The following DACH1 variants were observed in gnomAD, a reference collection of about 807,000 sequenced individuals.
DACH1 encodes dachshund homolog 1.
In DACH1, 12 loss-of-function variants were observed where a neutral mutation model predicts 54.2. The ratio of observed to expected loss-of-function variants is 0.22; its 90% CI spans 0.14 to 0.36. The LOEUF is 0.36. Ranked by LOEUF, DACH1 falls within the 10% of genes least tolerant of loss-of-function variation. The pLI is 1.00. For synonymous variants in DACH1, 386 were observed against 366.2 expected (o/e 1.05, Z -0.62); for missense variants, 805 against 929.8 (o/e 0.87, Z 1.75).
chr13:71,860,216 G>A (rs1057029428), intron 1 of DACH1, among the ~76,000 whole-genome samples: 6 of 149,398 alleles, frequency 4.0e-5, no homozygotes, highest in African/African-American at 7.4e-5. Context: ...TTAGACATAC[G>A]TATGTACACA....
chr13:71,453,098 C>T (rs937864026), intron 10 of DACH1, among the ~76,000 whole-genome samples: 2 of 152,082 alleles, frequency 1.3e-5, no homozygotes, highest in African/African-American at 4.8e-5. Context: ...GGTTAATGTA[C>T]CAGCAAGTGA....
intron 3 of DACH1, among the ~76,000 whole-genome samples, chr13:71,617,723 C>T (rs1250048149): frequency 6.6e-6 from 1 of 152,082 alleles, no homozygotes; most frequent in Non-Finnish European, 1.5e-5. Flanking sequence ...TTAGAAAGTA[C>T]AGATATAAAT....
At chr13:71,707,272 T>C (rs1432537871) in intron 1 of DACH1, among the ~76,000 whole-genome samples, 6 of 152,262 alleles carry the variant, frequency 3.9e-5, no homozygotes, top group African/African-American at 1.4e-4. Flanking sequence ...GCATGCAACC[T>C]GTGCAGCTGC....
intron 1 of DACH1, among the ~76,000 whole-genome samples, chr13:71,779,314 TA>T (rs1464907780): frequency 2.0e-5 from 3 of 146,658 alleles, no homozygotes; most frequent in East Asian, 2.0e-4. Flanking sequence ...TTTATATACA[TA>T]TATATATAAC....
At chr13:71,572,808 A>T (rs1025421693) in intron 4 of DACH1, 32 bp downstream of exon 4, 15 of 1,592,386 alleles carry the variant, frequency 9.4e-6, no homozygotes, top group Non-Finnish European at 1.3e-5. Flanking sequence ...TAAGATGAAC[A>T]TGCCAAAATA....
chr13:71,485,171 C>T (rs966190328), intron 7 of DACH1, among the ~76,000 whole-genome samples: 3 of 151,372 alleles, frequency 2.0e-5, no homozygotes, highest in Admixed American at 6.6e-5. Context: ...AAATTTTAGT[C>T]TCCTTACATA....
intron 6 of DACH1, among the ~76,000 whole-genome samples, chr13:71,520,833 CAAT>C (rs1490310047): frequency 7.3e-5 from 11 of 151,586 alleles, no homozygotes; most frequent in Non-Finnish European, 1.3e-4. Flanking sequence ...GTGTTAATTC[CAAT>C]AATATCATAG....
intron 1 of DACH1, among the ~76,000 whole-genome samples, chr13:71,817,449 T>C (rs1297152794): frequency 2.6e-5 from 4 of 152,208 alleles, no homozygotes; most frequent in Non-Finnish European, 5.9e-5. Context: ...ATTGTTCTCT[T>C]AGAAAATGGC....
chr13:71,776,818 AC>A (rs1886085599), intron 1 of DACH1, among the ~76,000 whole-genome samples: 1 of 151,966 alleles, frequency 6.6e-6, no homozygotes, highest in South Asian at 2.1e-4. Context: ...TTTGTCACTC[AC>A]TGGTAATTTT....
At chr13:71,532,988 T>C (rs1311306559) in intron 6 of DACH1, among the ~76,000 whole-genome samples, 2 of 151,826 alleles carry the variant, frequency 1.3e-5, no homozygotes, top group African/African-American at 4.8e-5. Flanking sequence ...AAGAAACATG[T>C]AGGAGATATT....
intron 1 of DACH1, among the ~76,000 whole-genome samples, chr13:71,737,090 A>G (rs1884164073): frequency 6.6e-6 from 1 of 152,002 alleles, no homozygotes; most frequent in East Asian, 1.9e-4. Flanking sequence ...GTCTCTACTA[A>G]AAATACAAAA....
chr13:71,778,327 G>C (rs1886154117), intron 1 of DACH1, among the ~76,000 whole-genome samples: 1 of 151,862 alleles, frequency 6.6e-6, no homozygotes, highest in African/African-American at 2.4e-5. Context: ...TTTTACATAA[G>C]TCAAATGTAA....
In DACH1 at chr13:71,724,350, C is replaced by T. The variant is rs533046534; in HGVS notation, c.849-42440G>A. Reference sequence around the variant, plus strand: ...TTCCATTTGGTGACTCCCAACTAGGCAAAACTTTCTGCCCTTTAGCAAATA... The same window carrying T: ...TTCCATTTGGTGACTCCCAACTAGGTAAAACTTTCTGCCCTTTAGCAAATA... On this transcript the variant is annotated intron_variant, in intron 1 of 10. Transcript: ENST00000613252. Among the ~76,000 whole-genome samples, 3 of 152,120 alleles carry T rather than the reference C, an allele frequency of 2.0e-5. No homozygotes were observed. The East Asian group carries it at 5.8e-4, about 29-fold the overall frequency.
At chr13:71,458,242 G>T (rs954653353) in intron 10 of DACH1, among the ~76,000 whole-genome samples, 1 of 151,640 alleles carries the variant, frequency 6.6e-6, no homozygotes, top group Non-Finnish European at 1.5e-5. Context: ...AAGGTTATTT[G>T]TGAATCTGTC....
chr13:71,567,355 G>A (rs1884952027), intron 4 of DACH1, among the ~76,000 whole-genome samples: 1 of 151,940 alleles, frequency 6.6e-6, no homozygotes, highest in Non-Finnish European at 1.5e-5. Flanking sequence ...TTAAAAATCT[G>A]CTTTGCATAC....
intron 7 of DACH1, among the ~76,000 whole-genome samples, chr13:71,480,980 C>T (rs1877979953): frequency 6.6e-6 from 1 of 152,084 alleles, no homozygotes; most frequent in Non-Finnish European, 1.5e-5. Flanking sequence ...TAAAACATAG[C>T]TGCTAAGGAA....
At chr13:71,732,331 T>A (rs1883787311) in intron 1 of DACH1, among the ~76,000 whole-genome samples, 1 of 152,064 alleles carries the variant, frequency 6.6e-6, no homozygotes, top group Non-Finnish European at 1.5e-5. Context: ...ACACCTGTAA[T>A]CCCAGCACTT....
chr13:71,609,526 A>C (rs1315281498), intron 3 of DACH1, among the ~76,000 whole-genome samples: 1 of 149,050 alleles, frequency 6.7e-6, no homozygotes, highest in Non-Finnish European at 1.5e-5. Flanking sequence ...AAAAGTTAAA[A>C]CCCTTAGAAG....
intron 8 of DACH1, among the ~76,000 whole-genome samples, chr13:71,477,295 T>C (rs1048154191): frequency 3.3e-5 from 5 of 150,876 alleles, no homozygotes; most frequent in Non-Finnish European, 7.4e-5. Flanking sequence ...TAATTTTTTG[T>C]ATTTTTTAGT....
Sources: gnomAD v4.1 joint callset for allele counts (sites outside exome capture counted in the v4.1 genomes callset) on GRCh38, gnomAD v4.1.1 for gene constraint, MANE v1.5 for transcripts, NCBI Gene and HGNC (gene_info 2026-07-23, HGNC 2026-07-21) for gene names.